Variants in PCDHGB6 observed in about 807,000 individuals in gnomAD.
PCDHGB6 encodes protocadherin gamma subfamily B, 6.
In PCDHGB6, 51 loss-of-function variants were observed where a neutral mutation model predicts 59.1. The observed-to-expected ratio is 0.86, with a 90% CI of 0.69 to 1.09. PCDHGB6 has a LOEUF of 1.09. Among genes scored for constraint, PCDHGB6 ranks in the 50% least tolerant of loss-of-function variants. PCDHGB6 has a pLI of 0.00. For synonymous variants in PCDHGB6, 466 were observed against 495.1 expected, an observed-to-expected ratio of 0.94 and a Z score of 0.78; for missense variants, 1,148 against 1,205.1, an observed-to-expected ratio of 0.95 and a Z score of 0.70.
At chr5:141,436,214 A>G (rs1242199916) in intron 1 of PCDHGB6, among the ~76,000 whole-genome samples, 5 of 152,160 alleles carry the variant, frequency 3.3e-5, no homozygotes, top group African/African-American at 7.2e-5. Context: ...AGGAAAACAA[A>G]TGACTTGGGA....
intron 1 of PCDHGB6, among the ~76,000 whole-genome samples, chr5:141,451,403 G>A (rs2154563571): frequency 6.6e-6 from 1 of 152,288 alleles, no homozygotes; most frequent in South Asian, 2.1e-4. Context: ...GCAAAATTAA[G>A]TTCCTTGTGG....
rs1275819200 is a variant in PCDHGB6, at chr5:141,491,620, A to G, written c.2419-3187A>G. 5 of 1,613,788 alleles carry G rather than the reference A, an allele frequency of 3.1e-6. No individual in the cohort carries two copies. Among genetic ancestry groups the G allele is most frequent in the Non-Finnish European group, 4.2e-6 (5 of 1,180,014 alleles). On this transcript the variant is annotated intron_variant, in intron 1 of 3. Coordinates refer to ENST00000520790, the MANE Select transcript of PCDHGB6 (RefSeq NM_018926.3). The surrounding 1 kb of genome is among the most constrained non-coding windows in gnomAD (Gnocchi z 6.9). ...TGACTTCACTTTTCTAAGACCCCTC[A>G]GCGTTCAGCAGCCCACAGCTCTGGC...
rs936419038 is a variant in PCDHGB6 at position 141,493,313 on chromosome 5, G to T, written c.2419-1494G>T. On this transcript the variant is annotated intron_variant, in intron 1 of 3. Transcript: ENST00000520790. This position sits in a 1 kb window ranked among gnomAD's most constrained non-coding sequence, Gnocchi z 4.3. ...TCAAGTTCACAGAGCAAGTAAGAGA[G>T]ATTCTAACCCCTGTCTAACTCCAGA... Among the ~76,000 whole-genome samples, 4 of 152,214 alleles carry T rather than the reference G, an allele frequency of 2.6e-5. No individual in the cohort carries two copies. Among genetic ancestry groups the T allele is most frequent in the Non-Finnish European group, 4.4e-5 (3 of 68,040 alleles).
At chr5:141,433,129 C>T in intron 1 of PCDHGB6, 1 of 1,614,130 alleles carries the variant, frequency 6.2e-7, no homozygotes, top group Non-Finnish European at 8.5e-7. Context: ...AAAGCGAGCC[C>T]CTTTTGCTGT....
At position 141,493,887 on chromosome 5, in the gene PCDHGB6, G is replaced by C. The variant is rs760575047; in HGVS notation, c.2419-920G>C. On this transcript the variant is annotated intron_variant, in intron 1 of 3. Transcript: ENST00000520790. This position sits in a 1 kb window ranked among gnomAD's most constrained non-coding sequence, Gnocchi z 4.3. Reference sequence around the variant, plus strand: ...AGAACCAGTGAGGAGGTGGCTCTAGGAGTGCTCCATGAGAGTGTGTGATGG... The same window carrying C: ...AGAACCAGTGAGGAGGTGGCTCTAGCAGTGCTCCATGAGAGTGTGTGATGG... Among the ~76,000 whole-genome samples, 11 of 152,184 alleles carry C rather than the reference G, an allele frequency of 7.2e-5. No homozygotes were observed. Among genetic ancestry groups the C allele is most frequent in the Non-Finnish European group, 1.2e-4 (8 of 68,026 alleles).
chr5:141,505,405 C>T lies in PCDHGB6; in HGVS notation c.2490C>T (p.Gly830=), dbSNP rs745516568. 2.5e-6 allele frequency: 4 copies of T among 1,614,130 alleles called. No individual in the cohort carries two copies. The highest frequency in any genetic ancestry group is 3.3e-4 in the Middle Eastern group (2 of 6,062). ...QRPGTSGSQN[G]DDTGTWPNNQ... ...ACTCTCTCCCCAGCTCCCAAAATGG[C>T]GATGACACCGGCACCTGGCCCAACA... Residue 830 remains glycine (G), a synonymous_variant, in exon 3 of 4, where the codon GGC becomes GGT. Transcript: ENST00000520790.
intron 1 of PCDHGB6, among the ~76,000 whole-genome samples, chr5:141,466,519 C>A (rs1406838553): frequency 6.6e-6 from 1 of 151,864 alleles, no homozygotes; most frequent in Non-Finnish European, 1.5e-5. Flanking sequence ...CATTTTTTTT[C>A]CTCCCAAATT....
At position 141,409,297 on chromosome 5, in the gene PCDHGB6, T is replaced by G. The variant is rs762820320; in HGVS notation, c.1095T>G (p.Val365=). The G allele has an allele frequency of 1.9e-6, 3 of 1,614,006 alleles. No homozygotes were observed. Among genetic ancestry groups the G allele is most frequent in the South Asian group, 2.2e-5 (2 of 91,076 alleles). The change falls in exon 1 of 4, where the codon GTT becomes GTG. Residue 365 remains valine, a synonymous_variant. Coordinates refer to ENST00000520790, the MANE Select transcript of PCDHGB6 (RefSeq NM_018926.3). ...TGGAGAATTCACCTCCAGGAATGGTTGTTGCCCTCTTCAAAACACGGGATC... is the reference window on the plus strand; with the variant it reads ...TGGAGAATTCACCTCCAGGAATGGTGGTTGCCCTCTTCAAAACACGGGATC... ...QILENSPPGM[V]VALFKTRDLD... is the part of the protein sequence containing the mutation.
chr5:141,453,546 C>T lies in PCDHGB6; in HGVS notation c.2419-41261C>T, dbSNP rs116481133. Among the ~76,000 whole-genome samples, 695 of 152,296 alleles carry T rather than the reference C, an allele frequency of 4.6e-3. 4 individuals are homozygous for T. Among genetic ancestry groups the T allele is most frequent in the African/African-American group, 0.015 (634 of 41,558 alleles). On this transcript the variant is annotated intron_variant, in intron 1 of 3. Transcript: ENST00000520790. ...TACCTTCTGCCTCATTCACACCACA[C>T]TCTGTAGATAATCGATTTCATTAGT...
At position 141,431,848 on chromosome 5, in the gene PCDHGB6, G is replaced by A. The variant is rs747401379; in HGVS notation, c.2418+21228G>A. 11 of 1,614,142 alleles carry A rather than the reference G, an allele frequency of 6.8e-6. No homozygotes were observed. The highest frequency in any genetic ancestry group is 2.2e-5 in the East Asian group (1 of 44,906). On this transcript the variant is annotated intron_variant, in intron 1 of 3. Coordinates refer to ENST00000520790, the MANE Select transcript of PCDHGB6 (RefSeq NM_018926.3). The surrounding 1 kb of genome is among the most constrained non-coding windows in gnomAD (Gnocchi z 4.8). ...CGGTTCCCGAAAACTCTCCCAGAGGGACATTAATTGCCCTTTTAAATGTAA... is the reference window on the plus strand; with the variant it reads ...CGGTTCCCGAAAACTCTCCCAGAGGAACATTAATTGCCCTTTTAAATGTAA...
At chr5:141,421,999 T>C in intron 1 of PCDHGB6, 1 of 1,609,214 alleles carries the variant, frequency 6.2e-7, no homozygotes, top group Non-Finnish European at 8.5e-7. Context: ...AAACATCAGC[T>C]CCGGAACTCG....
In PCDHGB6 at chr5:141,476,742, G is replaced by C. The variant is rs1015622831; in HGVS notation, c.2419-18065G>C. 8.7e-6 allele frequency: 14 copies of C among 1,613,936 alleles called. No homozygotes were observed. Among genetic ancestry groups the C allele is most frequent in the Non-Finnish European group, 1.1e-5 (13 of 1,180,032 alleles). On this transcript the variant is annotated intron_variant, in intron 1 of 3. Transcript: ENST00000520790. The surrounding 1 kb of genome is among the most constrained non-coding windows in gnomAD (Gnocchi z 7.6). ...GCCCTGGACCGAGAACGGGAGCCTA[G>C]TCTCCAGTTAGTGCTGACGGCGTTG...
Position 141,410,115 on chromosome 5 carries a change from C to T in PCDHGB6, c.1913C>T (p.Ala638Val). 6.2e-7 allele frequency: 1 copy of T among 1,612,624 alleles called. No individual in the cohort carries two copies. The change falls in exon 1 of 4, where the codon GCC becomes GTC. Residue 638 changes from alanine to valine, a missense_variant. Transcript: ENST00000520790. ...TARALGDRDAARQRLLVAVRD... is the reference protein window; with the variant it reads ...TARALGDRDAVRQRLLVAVRD... ...CGAGCCTTAGGCGACAGGGACGCAG[C>T]CCGCCAGCGCCTGCTGGTCGCTGTG...
At position 141,485,336 on chromosome 5, in the gene PCDHGB6, G is replaced by A. The variant is rs755039880; in HGVS notation, c.2419-9471G>A. Reference sequence around the variant, plus strand: ...GAATGTCGCTCAAGATTTCCTGCTGGATACGGACAGTCTGTCAGCTCGCAG... The same window carrying A: ...GAATGTCGCTCAAGATTTCCTGCTGAATACGGACAGTCTGTCAGCTCGCAG... On this transcript the variant is annotated intron_variant, in intron 1 of 3. Transcript: ENST00000520790. The surrounding 1 kb of genome is among the most constrained non-coding windows in gnomAD (Gnocchi z 5.7). 3 of 1,614,176 alleles carry A rather than the reference G, an allele frequency of 1.9e-6. No homozygotes were observed. In the South Asian group the frequency reaches 3.3e-5, roughly 18 times the overall value.
rs1028054307 is a variant in PCDHGB6 at position 141,417,708 on chromosome 5, G to A, written c.2418+7088G>A. The A allele has an allele frequency of 2.4e-5, 29 of 1,227,762 alleles. No homozygotes were observed. In the South Asian group the frequency reaches 2.9e-4, roughly 12 times the overall value. 76.1% of individuals were successfully genotyped at this position (1,227,762 alleles called of 1,614,324 possible). On this transcript the variant is annotated intron_variant, in intron 1 of 3. Transcript: ENST00000520790. ...AAAGAAAACCAGCTCCCACACAGAG[G>A]CTCCCGGCTGCGCAGACCTTGCCCA... is the stretch of plus-strand genomic sequence containing the variant.
At chr5:141,502,024 C>G (rs2099812413) in intron 2 of PCDHGB6, among the ~76,000 whole-genome samples, 1 of 152,152 alleles carries the variant, frequency 6.6e-6, no homozygotes, top group African/African-American at 2.4e-5. Context: ...TCCCTGCAAC[C>G]CCCGCCGCTT....
Position 141,409,819 on chromosome 5 carries a change from G to A in PCDHGB6, c.1617G>A (p.Ser539=), listed in dbSNP as rs781534809. The change falls in exon 1 of 4, where the codon TCG becomes TCA. Residue 539 remains serine (S), a synonymous_variant. Coordinates refer to ENST00000520790, the MANE Select transcript of PCDHGB6 (RefSeq NM_018926.3). The part of the protein sequence containing the change: ...ALTLQARDHG[S]PTLSANVSLR... ...CGCTGCAGGCCCGCGACCACGGCTC[G>A]CCCACGCTCAGCGCCAACGTGAGCC... The A allele has an allele frequency of 1.2e-6, 2 of 1,610,356 alleles. No individual in the cohort carries two copies. The highest frequency in any genetic ancestry group is 2.7e-5 in the African/African-American group (2 of 74,840).
intron 2 of PCDHGB6, among the ~76,000 whole-genome samples, chr5:141,500,416 A>G: frequency 6.6e-6 from 1 of 151,634 alleles, no homozygotes; most frequent in East Asian, 2.0e-4. Flanking sequence ...TCACCGTGTT[A>G]GCCAGGATGG....
At chr5:141,429,599 A>G (rs2097227286) in intron 1 of PCDHGB6, among the ~76,000 whole-genome samples, 1 of 152,238 alleles carries the variant, frequency 6.6e-6, no homozygotes, top group Non-Finnish European at 1.5e-5. Flanking sequence ...TAATTCAAGT[A>G]AACTCAATTT....
Sources: gnomAD v4.1 joint callset for allele counts (sites outside exome capture counted in the v4.1 genomes callset) on GRCh38, gnomAD v4.1.1 for gene constraint, Gnocchi (gnomAD v3.1) non-coding constraint, MANE v1.5 for transcripts, NCBI Gene and HGNC (gene_info 2026-07-23, HGNC 2026-07-21) for gene names.